ZNF704: variants seen among roughly 807,000 people sequenced by gnomAD.
ZNF704 encodes the protein zinc finger protein 704, also known as glucocorticoid induced gene 1.
Under a neutral mutation model 44.7 loss-of-function variants are expected in ZNF704, and 10 were observed. The ratio of observed to expected loss-of-function variants is 0.22; its 90% CI spans 0.14 to 0.38. The LOEUF (loss-of-function observed/expected upper bound fraction) is 0.38. ZNF704 is among the 10% of genes least tolerant of loss of function. The pLI is 1.00. For missense variants in ZNF704, 390 were observed against 545.5 expected, an observed-to-expected ratio of 0.71 and a Z score of 2.84; for synonymous variants, 211 against 207.6, an observed-to-expected ratio of 1.02 and a Z score of -0.14.
At chr8:80,831,808 C>G (rs1197504174) in intron 1 of ZNF704, among the ~76,000 whole-genome samples, 1 of 152,210 alleles carries the variant, frequency 6.6e-6, no homozygotes, top group Admixed American at 6.5e-5. Flanking sequence ...AAACTGACAG[C>G]TTCCTGTAGG....
At chr8:80,680,388 T>TTG (rs1215974374) in intron 4 of ZNF704, among the ~76,000 whole-genome samples, 1 of 151,758 alleles carries the variant, frequency 6.6e-6, no homozygotes, top group Non-Finnish European at 1.5e-5. Context: ...GTATTGTGAC[T>TTG]TGTGTGTGTG....
chr8:80,793,181 G>C lies in ZNF704; in HGVS notation c.221+28193C>G, dbSNP rs148970065. On this transcript the variant is annotated intron_variant, in intron 2 of 8. Coordinates refer to ENST00000327835, the MANE Select transcript of ZNF704 (RefSeq NM_001033723.3). ...TAAGATGTGGTGACTGATTTAAGGT[G>C]GGGTATGGGAGTGTGGATCAAAGAT... Among the ~76,000 whole-genome samples the C allele has an allele frequency of 5.6e-3, 857 of 152,318 alleles. 1 individual carries two copies. Among genetic ancestry groups the C allele is most frequent in the Non-Finnish European group, 9.7e-3 (663 of 68,024 alleles).
chr8:80,821,269 T>C, intron 2 of ZNF704, 105 bp downstream of exon 2: 1 of 1,234,428 alleles, frequency 8.1e-7, no homozygotes, highest in Non-Finnish European at 1.2e-6. Context: ...CAGAAAACCT[T>C]TCATATGTCT....
intron 2 of ZNF704, among the ~76,000 whole-genome samples, chr8:80,754,690 G>A (rs1201301123): frequency 6.6e-6 from 1 of 152,150 alleles, no homozygotes; most frequent in Non-Finnish European, 1.5e-5. Context: ...CCAGGCCTAG[G>A]GTAGATTGTA....
intron 2 of ZNF704, among the ~76,000 whole-genome samples, chr8:80,772,110 A>G (rs1236353470): frequency 3.3e-5 from 5 of 152,120 alleles, no homozygotes; most frequent in African/African-American, 1.2e-4. Flanking sequence ...ATATTGCTGA[A>G]TTCTATTTGC....
At chr8:80,824,988 C>G (rs1808346961) in intron 1 of ZNF704, among the ~76,000 whole-genome samples, 1 of 152,122 alleles carries the variant, frequency 6.6e-6, no homozygotes. Context: ...TTGTAAAGAC[C>G]ATCGAGGCTA....
At chr8:80,707,637 T>C (rs1401140619) in intron 2 of ZNF704, among the ~76,000 whole-genome samples, 1 of 152,260 alleles carries the variant, frequency 6.6e-6, no homozygotes, top group Non-Finnish European at 1.5e-5. Context: ...TGGTTCAGCC[T>C]GATATTTGTG....
chr8:80,883,431 A>G, the ZNF704 span, among the ~76,000 whole-genome samples: 4 of 152,198 alleles, frequency 2.6e-5, no homozygotes, highest in African/African-American at 7.2e-5. Flanking sequence ...GAAATGGTCT[A>G]TATCTGTGCT....
intron 1 of ZNF704, among the ~76,000 whole-genome samples, chr8:80,838,789 G>A (rs1435593285): frequency 1.3e-5 from 2 of 151,504 alleles, no homozygotes; most frequent in Admixed American, 1.3e-4. Flanking sequence ...GGCAGCGGCA[G>A]GGAGCAGACC....
chr8:80,875,873 T>C (rs1268415721), upstream of ZNF704, among the ~76,000 whole-genome samples: 1 of 152,222 alleles, frequency 6.6e-6, no homozygotes, highest in Admixed American at 6.5e-5. Context: ...CTTTTTGTTC[T>C]CCCTGAATCA....
At chr8:80,874,979 C>G (rs1471452035), upstream of ZNF704, among the ~76,000 whole-genome samples, 2 of 152,070 alleles carry the variant, frequency 1.3e-5, no homozygotes, top group African/African-American at 2.4e-5. This position sits in a 1 kb window ranked among gnomAD's most constrained non-coding sequence, Gnocchi z 4.4. Flanking sequence ...GCTTTTACTC[C>G]TGCTATTCTA....
intron 1 of ZNF704, among the ~76,000 whole-genome samples, 191 bp from the exon 2 acceptor site, chr8:80,821,806 T>C (rs887434749): frequency 2.6e-5 from 4 of 152,162 alleles, no homozygotes; most frequent in African/African-American, 9.7e-5. Flanking sequence ...AATGCATCTG[T>C]AATAATGCAA....
intron 2 of ZNF704, among the ~76,000 whole-genome samples, chr8:80,693,603 C>A (rs139583425): frequency 6.6e-6 from 1 of 152,210 alleles, no homozygotes; most frequent in South Asian, 2.1e-4. Flanking sequence ...GAGGCAGTGA[C>A]GTCTGAGGTG....
chr8:80,835,502 G>A (rs1019836821), intron 1 of ZNF704, among the ~76,000 whole-genome samples: 1 of 152,276 alleles, frequency 6.6e-6, no homozygotes, highest in South Asian at 2.1e-4. Context: ...TAATCCACAT[G>A]CTGCAAGAGA....
chr8:80,856,200 C>T (rs753888488), intron 1 of ZNF704, among the ~76,000 whole-genome samples: 1 of 152,090 alleles, frequency 6.6e-6, no homozygotes, highest in Non-Finnish European at 1.5e-5. Context: ...TTCAAGCAAT[C>T]CTCCTGCCTC....
At chr8:80,663,321 C>T (rs1818130246) in intron 6 of ZNF704, among the ~76,000 whole-genome samples, 1 of 147,698 alleles carries the variant, frequency 6.8e-6, no homozygotes, top group South Asian at 2.1e-4. Context: ...TTCGAGGCTG[C>T]AGTGAATTGC....
upstream of ZNF704, among the ~76,000 whole-genome samples, chr8:80,878,258 AAGG>A (rs1229155924): frequency 2.2e-3 from 43 of 19,780 alleles, no homozygotes; most frequent in African/African-American, 6.5e-3. Context: ...GAAAGAAAGG[AAGG>A]AAGGAAGGAA....
intron 2 of ZNF704, among the ~76,000 whole-genome samples, chr8:80,717,363 T>C (rs1450445897): frequency 2.0e-5 from 3 of 152,258 alleles, no homozygotes; most frequent in Non-Finnish European, 4.4e-5. Flanking sequence ...GCGAGCTGCA[T>C]TCCTGAAGCT....
At chr8:80,858,943 A>G (rs1279759597) in intron 1 of ZNF704, among the ~76,000 whole-genome samples, 1 of 152,328 alleles carries the variant, frequency 6.6e-6, no homozygotes, top group African/African-American at 2.4e-5. Context: ...TGCCCAGTAT[A>G]GCATTCTACA....
Sources: allele counts gnomAD v4.1 joint callset (sites outside exome capture counted in the v4.1 genomes callset), GRCh38; gene constraint gnomAD v4.1.1; non-coding constraint Gnocchi (gnomAD v3.1); transcripts MANE v1.5; gene names NCBI Gene and HGNC (gene_info 2026-07-23, HGNC 2026-07-21).